APBB1IP: variants seen among roughly 807,000 people sequenced by gnomAD.
The protein encoded by APBB1IP is amyloid beta precursor protein binding family B member 1 interacting protein.
A neutral mutation model predicts 64.9 loss-of-function variants in APBB1IP; 27 were observed. That is an observed-to-expected ratio of 0.42 (90% confidence interval 0.31 to 0.57). The LOEUF (loss-of-function observed/expected upper bound fraction) is 0.57, where lower values mean the gene tolerates loss of function less well. APBB1IP is among the 20% of genes least tolerant of loss of function. The probability of loss-of-function intolerance (pLI) is 0.20; values close to 1 mark genes in which losing one functional copy is unlikely to be tolerated. For missense variants in APBB1IP, 812 were observed against 845.5 expected (o/e 0.96, Z 0.49); for synonymous variants, 392 against 331.0 (o/e 1.18, Z -2.00).
chr10:26,506,697 C>T (rs74128337), intron 6 of APBB1IP, among the ~76,000 whole-genome samples: 12,124 of 152,172 alleles, frequency 0.08, 1,625 homozygotes, highest in African/African-American at 0.28. Flanking sequence ...CACAGGATCT[C>T]CCCCAGGGAT....
At position 26,536,135 on chromosome 10, in the gene APBB1IP, A is replaced by C. The variant is rs1327667927; in HGVS notation, c.962A>C (p.Glu321Ala). ...PELEGALYLK[E>A]DGKKSWKRRY... ...CTGGAAGGAGCTCTTTATTTGAAAG[A>C]AGATGGAAAGAAATCCTGGAAAAGG... The change falls in exon 10 of 15, where the codon GAA (glutamate) becomes GCA (alanine). Residue 321 changes from glutamate to alanine, a missense_variant. By Grantham distance (107) the Glu-to-Ala change is moderately radical. Around this residue, in one of 3 missense-constraint regions of APBB1IP, gnomAD observed 394 missense variants for 413.1 expected, o/e 0.95. Coordinates refer to ENST00000376236, the MANE Select transcript of APBB1IP (RefSeq NM_019043.4). The C allele has an allele frequency of 1.2e-6, 2 of 1,610,654 alleles. No individual in the cohort carries two copies. Among genetic ancestry groups the C allele is most frequent in the South Asian group, 1.1e-5 (1 of 90,122 alleles).
chr10:26,520,776 T>C (rs1836392795), intron 8 of APBB1IP, among the ~76,000 whole-genome samples: 1 of 152,214 alleles, frequency 6.6e-6, no homozygotes, highest in Non-Finnish European at 1.5e-5. Flanking sequence ...GTTTGTAAAA[T>C]GGTTGATGCT....
At position 26,563,153 on chromosome 10, in the gene APBB1IP, C is replaced by T. The variant is rs202067330; in HGVS notation, c.1473+724C>T. ...TCTGAAGCCCTATATGAAGTGCTAA[C>T]TGGCCCCCAAAATCAGATTAGAAGA... On this transcript the variant is annotated intron_variant, in intron 14 of 14. Coordinates refer to ENST00000376236, the MANE Select transcript of APBB1IP (RefSeq NM_019043.4). Among the ~76,000 whole-genome samples, 6 of 152,222 alleles carry T rather than the reference C, an allele frequency of 3.9e-5. No homozygotes were observed. In the East Asian group the frequency reaches 9.7e-4, roughly 24 times the overall value.
intron 2 of APBB1IP, among the ~76,000 whole-genome samples, chr10:26,478,783 G>C (rs1018718022): frequency 3.3e-5 from 5 of 152,074 alleles, no homozygotes; most frequent in African/African-American, 4.8e-5. Context: ...CACAGAGAAG[G>C]CTGGAAGGAG....
chr10:26,524,782 C>G (rs1277877767), intron 8 of APBB1IP, among the ~76,000 whole-genome samples: 2 of 151,960 alleles, frequency 1.3e-5, no homozygotes, highest in Non-Finnish European at 2.9e-5. Context: ...TTATGTGATA[C>G]TATAACAGAA....
chr10:26,498,386 G>A (rs1836055297), intron 4 of APBB1IP, among the ~76,000 whole-genome samples: 1 of 152,022 alleles, frequency 6.6e-6, no homozygotes, highest in Non-Finnish European at 1.5e-5. Context: ...GCGGGCACCT[G>A]TAATCTCAGC....
Position 26,521,762 on chromosome 10 carries a change from A to T in APBB1IP, c.813+8102A>T, listed in dbSNP as rs55928106. On this transcript the variant is annotated intron_variant, in intron 8 of 14. Coordinates refer to ENST00000376236, the MANE Select transcript of APBB1IP (RefSeq NM_019043.4). ...TTATTTATTAAGTATTATTATTATTATTTTTTGAGATGGAGTCTTGCTTTG... is the reference window on the plus strand; with the variant it reads ...TTATTTATTAAGTATTATTATTATTTTTTTTTGAGATGGAGTCTTGCTTTG... Among the ~76,000 whole-genome samples, 1,462 of 152,086 alleles carry T rather than the reference A, an allele frequency of 9.6e-3. 13 individuals are homozygous for T. Among genetic ancestry groups the T allele is most frequent in the Middle Eastern group, 0.02 (6 of 294 alleles).
At chr10:26,491,284 GA>G (rs928296366) in intron 2 of APBB1IP, among the ~76,000 whole-genome samples, 2 of 149,646 alleles carry the variant, frequency 1.3e-5, no homozygotes, top group African/African-American at 2.5e-5. Flanking sequence ...TCTAAAAAAA[GA>G]AAAAAAAAGA....
At chr10:26,468,629 G>A (rs1008967185) in intron 2 of APBB1IP, among the ~76,000 whole-genome samples, 5 of 151,262 alleles carry the variant, frequency 3.3e-5, no homozygotes, top group Non-Finnish European at 7.4e-5. Flanking sequence ...AAGTAATTGC[G>A]GTTTTCACAA....
intron 14 of APBB1IP, among the ~76,000 whole-genome samples, chr10:26,566,561 T>C (rs1837046785): frequency 6.6e-6 from 1 of 152,102 alleles, no homozygotes; most frequent in Non-Finnish European, 1.5e-5. Flanking sequence ...GCCAAAATAT[T>C]AAAAAATTAG....
intron 11 of APBB1IP, among the ~76,000 whole-genome samples, chr10:26,544,863 C>T (rs1408944808): frequency 6.6e-6 from 1 of 152,176 alleles, no homozygotes; most frequent in East Asian, 1.9e-4. Flanking sequence ...ATTTCTAAAA[C>T]TTCCTGCTAT....
chr10:26,493,466 A>G (rs1835982288), intron 3 of APBB1IP, among the ~76,000 whole-genome samples: 3 of 152,232 alleles, frequency 2.0e-5, no homozygotes, highest in Admixed American at 6.5e-5. Flanking sequence ...AGAAATTATA[A>G]AAGTATTAAT....
chr10:26,511,788 A>G lies in APBB1IP; in HGVS notation c.573A>G (p.Ser191=), dbSNP rs781169195. ...ACATGAATGATAACAGCACAAAGTC[A>G]CTGATGGTGGATGAGCGGCAGCTGG... is the stretch of plus-strand genomic sequence containing the variant. ...KVHMNDNSTK[S]LMVDERQLAR... The change falls in exon 7 of 15, where the codon TCA becomes TCG. Residue 191 remains serine, a synonymous_variant. Transcript: ENST00000376236. The G allele has an allele frequency of 3.7e-6, 6 of 1,614,176 alleles. No homozygotes were observed. In the East Asian group the frequency reaches 1.1e-4, roughly 30 times the overall value.
chr10:26,494,816 C>A (rs1179439463), intron 3 of APBB1IP, among the ~76,000 whole-genome samples: 1 of 152,050 alleles, frequency 6.6e-6, no homozygotes, highest in Non-Finnish European at 1.5e-5. Flanking sequence ...CAGAGTGAGA[C>A]TCCATCTCAA....
Position 26,459,712 on chromosome 10 carries a change from A to T in APBB1IP, c.-1+20859A>T, listed in dbSNP as rs191516655. On this transcript the variant is annotated intron_variant, in intron 2 of 14. Coordinates refer to ENST00000376236, the MANE Select transcript of APBB1IP (RefSeq NM_019043.4). ...GTTTTCTACTTAAGGAGTTTTTTTT[A>T]AAATTTGTTTTAGCCCTTATTTTTC... Among the ~76,000 whole-genome samples, 212 of 152,202 alleles carry T rather than the reference A, an allele frequency of 1.4e-3. 1 individual carries two copies. Among genetic ancestry groups the T allele is most frequent in the Non-Finnish European group, 1.9e-3 (130 of 67,994 alleles).
At chr10:26,539,054 A>G (rs1282371249) in intron 10 of APBB1IP, among the ~76,000 whole-genome samples, 1 of 152,214 alleles carries the variant, frequency 6.6e-6, no homozygotes, top group Non-Finnish European at 1.5e-5. Flanking sequence ...CATTCCATGT[A>G]CCAAACTAAA....
rs1470329766 is a variant in APBB1IP at position 26,567,432 on chromosome 10, G to T, written c.1945G>T (p.Asp649Tyr). 1 of 1,608,280 alleles carries T rather than the reference G, an allele frequency of 6.2e-7. No individual in the cohort carries two copies. Among genetic ancestry groups the T allele is most frequent in the Non-Finnish European group, 8.5e-7 (1 of 1,176,140 alleles). ...CGGCGGAGCAGGAGGCGGGGAGCAAGATTTCATGTCAGACCTCATGAAAGC... is the reference window on the plus strand; with the variant it reads ...CGGCGGAGCAGGAGGCGGGGAGCAATATTTCATGTCAGACCTCATGAAAGC... ...HPGGAGGGEQ[D>Y]FMSDLMKALQ... The change falls in exon 15 of 15, where the codon GAT becomes TAT. Residue 649 changes from aspartate to tyrosine, a missense_variant. Transcript: ENST00000376236.
Position 26,567,633 on chromosome 10 carries a change from C to T in APBB1IP, c.*145C>T. On this transcript the variant is annotated 3_prime_UTR_variant, in exon 15 of 15. Coordinates refer to ENST00000376236, the MANE Select transcript of APBB1IP (RefSeq NM_019043.4). Reference sequence around the variant, plus strand: ...CTGATGTGCTCAAGTACAGGCATAACCATTAACCCAGTAGAGTTCAGAATA... The same window carrying T: ...CTGATGTGCTCAAGTACAGGCATAATCATTAACCCAGTAGAGTTCAGAATA... 7.1e-7 allele frequency: 1 copy of T among 1,416,498 alleles called. No individual in the cohort carries two copies. Among genetic ancestry groups the T allele is most frequent in the Non-Finnish European group, 9.4e-7 (1 of 1,068,688 alleles). 87.7% of individuals were successfully genotyped at this position (1,416,498 alleles called of 1,614,324 possible).
chr10:26,514,277 C>T (rs1836297432), intron 8 of APBB1IP, among the ~76,000 whole-genome samples: 1 of 152,032 alleles, frequency 6.6e-6, no homozygotes, highest in African/African-American at 2.4e-5. Context: ...CTGTATTAAT[C>T]CAATATATCT....
Sources: gnomAD v4.1 joint callset for allele counts (sites outside exome capture counted in the v4.1 genomes callset) on GRCh38, gnomAD v4.1.1 for gene constraint, gnomAD v4.1.1 regional missense constraint, MANE v1.5 for transcripts, NCBI Gene and HGNC (gene_info 2026-07-23, HGNC 2026-07-21) for gene names.